Variants in NEMP2 observed in about 807,000 individuals in gnomAD.
The protein encoded by NEMP2 is nuclear envelope integral membrane protein 2, also known as UPF0571 transmembrane protein.
In NEMP2, 53 loss-of-function variants were observed where a neutral mutation model predicts 54.2. The ratio of observed to expected loss-of-function variants is 0.98; its 90% CI spans 0.78 to 1.23. NEMP2 has a LOEUF of 1.23. Ranked by LOEUF, NEMP2 falls within the 50% of genes most tolerant of loss-of-function variation. The probability of loss-of-function intolerance (pLI) is 0.00; values close to 1 mark genes in which losing one functional copy is unlikely to be tolerated. For missense variants in NEMP2, 455 were observed against 511.3 expected, an observed-to-expected ratio of 0.89 and a Z score of 1.06; for synonymous variants, 197 against 190.3, an observed-to-expected ratio of 1.04 and a Z score of -0.29.
At chr2:190,574,002 A>G in the NEMP2 span, among the ~76,000 whole-genome samples, 2 of 152,214 alleles carry the variant, frequency 1.3e-5, no homozygotes, top group South Asian at 2.1e-4. Context: ...ATTCTGCCAA[A>G]TGTCATCCAG....
chr2:190,443,981 G>C, the NEMP2 span, among the ~76,000 whole-genome samples: 1 of 152,164 alleles, frequency 6.6e-6, no homozygotes, highest in African/African-American at 2.4e-5. The surrounding 1 kb of genome is among the most constrained non-coding windows in gnomAD (Gnocchi z 4.2). Context: ...GAGCCCAAAA[G>C]GAAGTCAAGG....
In NEMP2 at chr2:190,528,469, T is replaced by C. The variant is rs572991120; in HGVS notation, c.98-3091A>G. Among the ~76,000 whole-genome samples the C allele has an allele frequency of 6.6e-6, 1 of 152,238 alleles. No homozygotes were observed. Among genetic ancestry groups the C allele is most frequent in the South Asian group, 2.1e-4 (1 of 4,822 alleles). On this transcript the variant is annotated intron_variant, in intron 1 of 8. Transcript: ENST00000409150. The surrounding 1 kb of genome is among the most constrained non-coding windows in gnomAD (Gnocchi z 4.3). ...AACAAAAGTGATTCCTACCTATCGT[T>C]GGAAAGGGAGTGCATTCCAGCAGGG...
At chr2:190,550,317 C>T in the NEMP2 span, among the ~76,000 whole-genome samples, 1 of 152,272 alleles carries the variant, frequency 6.6e-6, no homozygotes, top group East Asian at 1.9e-4. This position sits in a 1 kb window ranked among gnomAD's most constrained non-coding sequence, Gnocchi z 4.7. Context: ...ATGTCCCCAC[C>T]TGGTGGAATG....
chr2:190,605,070 T>C, the NEMP2 span, among the ~76,000 whole-genome samples: 2 of 152,200 alleles, frequency 1.3e-5, no homozygotes, highest in African/African-American at 2.4e-5. Flanking sequence ...ACATATACAG[T>C]GCACGTCTAC....
the NEMP2 span, among the ~76,000 whole-genome samples, chr2:190,574,673 T>C: frequency 1.3e-5 from 2 of 152,038 alleles, no homozygotes; most frequent in African/African-American, 4.8e-5. Flanking sequence ...AATTACTTTC[T>C]TTCCCTTTCT....
the NEMP2 span, among the ~76,000 whole-genome samples, chr2:190,586,569 A>C: frequency 6.6e-6 from 1 of 152,140 alleles, no homozygotes; most frequent in African/African-American, 2.4e-5. The surrounding 1 kb of genome is among the most constrained non-coding windows in gnomAD (Gnocchi z 4.5). Context: ...TTCTAAAACA[A>C]AACTTTCAGT....
chr2:190,454,208 T>C, the NEMP2 span: 171 of 152,310 alleles, frequency 1.1e-3, 1 homozygote, highest in African/African-American at 3.9e-3. This position sits in a 1 kb window ranked among gnomAD's most constrained non-coding sequence, Gnocchi z 4.6. Context: ...AAATATCAAA[T>C]TAACTCCTTG....
At chr2:190,499,846 G>T (rs532673212), downstream of NEMP2, 3 of 1,546,304 alleles carry the variant, frequency 1.9e-6, no homozygotes, top group Non-Finnish European at 2.6e-6. This position sits in a 1 kb window ranked among gnomAD's most constrained non-coding sequence, Gnocchi z 6.0. Flanking sequence ...ACATAGGAAA[G>T]GAGATGAAAG....
chr2:190,648,330 G>C, the NEMP2 span: 1 of 152,210 alleles, frequency 6.6e-6, no homozygotes, highest in Non-Finnish European at 1.5e-5. Context: ...CAAGATGGGC[G>C]AGGCAGAGAT....
At chr2:190,435,682 C>CCTAT in the NEMP2 span, among the ~76,000 whole-genome samples, 4 of 151,950 alleles carry the variant, frequency 2.6e-5, no homozygotes, top group Non-Finnish European at 5.9e-5. Flanking sequence ...AGACATAATC[C>CCTAT]CTATTATTTG....
At chr2:190,648,614 AT>A in the NEMP2 span, 133 of 142,852 alleles carry the variant, frequency 9.3e-4, no homozygotes, top group South Asian at 7.6e-3. Context: ...CTCACACATA[AT>A]TTTTTTTTTT....
chr2:190,453,792 T>C, the NEMP2 span, among the ~76,000 whole-genome samples: 1 of 152,234 alleles, frequency 6.6e-6, no homozygotes, highest in African/African-American at 2.4e-5. Flanking sequence ...CCAAATAGCC[T>C]AATGACTTAG....
chr2:190,589,050 C>T, the NEMP2 span, among the ~76,000 whole-genome samples: 2 of 152,024 alleles, frequency 1.3e-5, no homozygotes, highest in Non-Finnish European at 2.9e-5. The surrounding 1 kb of genome is among the most constrained non-coding windows in gnomAD (Gnocchi z 4.3). Context: ...TGAGTGGGAC[C>T]CAAATGAATA....
the NEMP2 span, among the ~76,000 whole-genome samples, chr2:190,449,698 G>A: frequency 1.3e-5 from 2 of 152,078 alleles, no homozygotes; most frequent in South Asian, 4.1e-4. Flanking sequence ...AAAATGATGA[G>A]TTCATGTCCT....
chr2:190,446,342 G>A, the NEMP2 span, among the ~76,000 whole-genome samples: 1 of 152,152 alleles, frequency 6.6e-6, no homozygotes, highest in Non-Finnish European at 1.5e-5. Context: ...CACAGTTTGG[G>A]AAGTTCCCCC....
At chr2:190,587,541 T>C in the NEMP2 span, among the ~76,000 whole-genome samples, 1 of 152,186 alleles carries the variant, frequency 6.6e-6, no homozygotes, top group Non-Finnish European at 1.5e-5. The surrounding 1 kb of genome is among the most constrained non-coding windows in gnomAD (Gnocchi z 5.4). Flanking sequence ...GGTCAGACTC[T>C]TCACAGTTCT....
the NEMP2 span, among the ~76,000 whole-genome samples, chr2:190,631,547 T>C: frequency 2.0e-5 from 3 of 152,340 alleles, no homozygotes; most frequent in East Asian, 5.8e-4. Context: ...AATTTGGTAA[T>C]TTAGAATAAG....
the NEMP2 span, among the ~76,000 whole-genome samples, chr2:190,473,171 G>A: frequency 2.0e-5 from 3 of 152,146 alleles, no homozygotes; most frequent in Non-Finnish European, 4.4e-5. Context: ...GGAAGAAACT[G>A]CATCAACCAA....
chr2:190,578,778 G>GA, the NEMP2 span, among the ~76,000 whole-genome samples: 2,473 of 148,232 alleles, frequency 0.017, 74 homozygotes, highest in African/African-American at 0.057. The surrounding 1 kb of genome is among the most constrained non-coding windows in gnomAD (Gnocchi z 4.4). Context: ...GGGGTGGAGG[G>GA]AAAAAAAAAG....
Sources: gnomAD v4.1 joint callset for allele counts (sites outside exome capture counted in the v4.1 genomes callset) on GRCh38, gnomAD v4.1.1 for gene constraint, Gnocchi (gnomAD v3.1) non-coding constraint, MANE v1.5 for transcripts, NCBI Gene and HGNC (gene_info 2026-07-23, HGNC 2026-07-21) for gene names.